COL5A1: variants seen among roughly 807,000 people sequenced by gnomAD.
COL5A1 encodes the protein collagen type V alpha 1 chain.
COL5A1 carries 16 observed loss-of-function variants against 263.7 expected under a neutral mutation model. The ratio of observed to expected loss-of-function variants is 0.06; its 90% confidence interval spans 0.04 to 0.09. The LOEUF is 0.09. Among genes scored for constraint, COL5A1 ranks in the 10% least tolerant of loss-of-function variants. The pLI is 1.00. For missense variants in COL5A1, 2,036 were observed against 2,540.5 expected, an observed-to-expected ratio of 0.80 and a Z score of 4.27; for synonymous variants, 1,012 against 1,004.5, an observed-to-expected ratio of 1.01 and a Z score of -0.14.
intron 25 of COL5A1, 141 bp from the exon 26 acceptor site, chr9:134,772,649 T>A (rs1836901837): frequency 2.0e-6 from 2 of 976,066 alleles, no homozygotes. Flanking sequence ...GCCAGCTGCC[T>A]TCGACTTCTG....
chr9:134,694,304 G>T (rs1054017352), intron 2 of COL5A1, among the ~76,000 whole-genome samples: 4 of 152,232 alleles, frequency 2.6e-5, no homozygotes, highest in African/African-American at 4.8e-5. Flanking sequence ...GCCCGTCCCC[G>T]CCCAGGCCGC....
chr9:134,650,293 G>A (rs959193728), intron 1 of COL5A1, among the ~76,000 whole-genome samples: 4 of 152,336 alleles, frequency 2.6e-5, no homozygotes, highest in African/African-American at 4.8e-5. Flanking sequence ...CATGAGCATC[G>A]TAACCGTCTT....
chr9:134,734,777 T>C (rs1835038243), intron 9 of COL5A1, among the ~76,000 whole-genome samples: 1 of 152,194 alleles, frequency 6.6e-6, no homozygotes, highest in Non-Finnish European at 1.5e-5. Flanking sequence ...CCACATCCAT[T>C]AGGGGCATCC....
intron 64 of COL5A1, among the ~76,000 whole-genome samples, chr9:134,833,668 C>G (rs1839736635): frequency 6.6e-6 from 1 of 152,204 alleles, no homozygotes; most frequent in Admixed American, 6.5e-5. Context: ...AGCCCTGACC[C>G]TCCCTCAGGC....
rs193251116 is a variant in COL5A1 at position 134,697,842 on chromosome 9, G to T, written c.278-2067G>T. Among the ~76,000 whole-genome samples, 1,015 of 152,300 alleles carry T rather than the reference G, an allele frequency of 6.7e-3. 12 individuals carry two copies. The highest frequency in any genetic ancestry group is 0.023 in the African/African-American group (942 of 41,558). On this transcript the variant is annotated intron_variant, in intron 2 of 65. Transcript: ENST00000371817. ...TGCAAAGCCATAATCGCAGCAGTTT[G>T]GGAGGCCAAGGCGGGTGGATCACCT...
At chr9:134,660,541 A>C (rs1478617194) in intron 1 of COL5A1, among the ~76,000 whole-genome samples, 2 of 152,228 alleles carry the variant, frequency 1.3e-5, no homozygotes, top group Non-Finnish European at 2.9e-5. Context: ...TGCTCATGAC[A>C]TCAAAGCCTC....
intron 1 of COL5A1, among the ~76,000 whole-genome samples, chr9:134,688,445 C>G (rs1204585980): frequency 6.6e-6 from 1 of 152,210 alleles, no homozygotes; most frequent in Non-Finnish European, 1.5e-5. Flanking sequence ...CGGGCTGCAT[C>G]CAGGCCCAGG....
Position 134,842,340 on chromosome 9 carries a change from G to A in COL5A1, c.*37G>A. ...CCCGGGCTCCCGAGAGCAACCTCGT[G>A]ACCTCAGCATGCCATTCGTTCGTGA... On this transcript the variant is annotated 3_prime_UTR_variant, in exon 66 of 66. Coordinates refer to ENST00000371817, the MANE Select transcript of COL5A1 (RefSeq NM_000093.5). The surrounding 1 kb of genome is among the most constrained non-coding windows in gnomAD (Gnocchi z 5.8). 6.2e-7 allele frequency: 1 copy of A among 1,612,674 alleles called. No individual in the cohort carries two copies. Among genetic ancestry groups the A allele is most frequent in the Non-Finnish European group, 8.5e-7 (1 of 1,179,558 alleles).
intron 1 of COL5A1, among the ~76,000 whole-genome samples, chr9:134,651,897 A>G (rs1831700833): frequency 6.6e-6 from 1 of 152,152 alleles, no homozygotes; most frequent in African/African-American, 2.4e-5. Context: ...ATGATCTGAA[A>G]TCCTCTTCCT....
chr9:134,738,824 T>A lies in COL5A1; in HGVS notation c.1494+16T>A. 1 of 1,610,166 alleles carries A rather than the reference T, an allele frequency of 6.2e-7. No individual in the cohort carries two copies. The highest frequency in any genetic ancestry group is 2.2e-5 in the East Asian group (1 of 44,856). ...TGGAGAAAGGGTAAGAGGTTGACTG[T>A]GTTTCCTGAGATCACACAAGGTGTG... On this transcript the variant is annotated intron_variant, in intron 11 of 65. Transcript: ENST00000371817.
In COL5A1 at chr9:134,809,244, C is replaced by A. The variant is rs540131206; in HGVS notation, c.3428C>A (p.Pro1143Gln). 1.2e-6 allele frequency: 2 copies of A among 1,608,280 alleles called. No homozygotes were observed. The highest frequency in any genetic ancestry group is 2.2e-5 in the East Asian group (1 of 44,690). The change falls in exon 43 of 66, where the codon CCG becomes CAG. Residue 1143 changes from proline (P) to glutamine (Q), a missense_variant. Around this residue, in one of 3 missense-constraint regions of COL5A1, gnomAD observed 1,078 missense variants for 1,521.4 expected, o/e 0.71. Transcript: ENST00000371817. ...RDGLQGPVGL[P>Q]GPAGPVGPPG... is the part of the protein sequence containing the mutation. ...GGTCTCCAGGGGCCTGTGGGGCTCCCGGGTCCAGCTGGCCCTGTGGGTCCC... is the reference window on the plus strand; with the variant it reads ...GGTCTCCAGGGGCCTGTGGGGCTCCAGGGTCCAGCTGGCCCTGTGGGTCCC...
chr9:134,747,952 CAG>C lies in COL5A1; in HGVS notation c.1495-2588_1495-2587del, dbSNP rs1564428863. On this transcript the variant is annotated intron_variant, in intron 11 of 65. Transcript: ENST00000371817. ...ATACACACATGCATTCATACACATG[CAG>C]ACACATGCACACATGCATTCACACA... Among the ~76,000 whole-genome samples, 677 of 118,866 alleles carry C rather than the reference CAG, an allele frequency of 5.7e-3. 22 individuals carry two copies. Among genetic ancestry groups the C allele is most frequent in the African/African-American group, 0.011 (378 of 34,018 alleles). The allele number at this position is 118,866 out of a possible 152,430, so 78.0% of individuals were successfully genotyped here.
chr9:134,717,263 G>A (rs745343439), intron 4 of COL5A1, among the ~76,000 whole-genome samples: 37 of 152,268 alleles, frequency 2.4e-4, no homozygotes, highest in Non-Finnish European at 4.1e-4. Flanking sequence ...CGGGCCCAGC[G>A]GGAGGGAAGC....
intron 64 of COL5A1, among the ~76,000 whole-genome samples, chr9:134,831,853 G>A (rs909187429): frequency 2.0e-5 from 3 of 152,310 alleles, no homozygotes; most frequent in African/African-American, 7.2e-5. Context: ...ATGAAGGTTG[G>A]GGTGAAGGGA....
chr9:134,712,165 A>AGC, intron 4 of COL5A1, among the ~76,000 whole-genome samples: 1 of 6,812 alleles, frequency 1.5e-4, no homozygotes, highest in Non-Finnish European at 2.4e-4. Flanking sequence ...CTTCCTGCCC[A>AGC]TCTTCTTCCT....
chr9:134,647,233 T>A lies in COL5A1; in HGVS notation c.109+4937T>A, dbSNP rs181483926. 6.6e-5 allele frequency among the ~76,000 whole-genome samples: 10 copies of A among 152,274 alleles called. No homozygotes were observed. The East Asian group carries it at 1.7e-3, about 26-fold the overall frequency. ...GCCGGTCTCTGCTGCCCCTTTGCCTTCCTTGGCCTCGGTTCTTTGCTTTCC... is the reference window on the plus strand; with the variant it reads ...GCCGGTCTCTGCTGCCCCTTTGCCTACCTTGGCCTCGGTTCTTTGCTTTCC... On this transcript the variant is annotated intron_variant, in intron 1 of 65. Transcript: ENST00000371817. The surrounding 1 kb of genome is among the most constrained non-coding windows in gnomAD (Gnocchi z 5.0).
chr9:134,728,794 C>A lies in COL5A1; in HGVS notation c.911C>A (p.Thr304Lys), dbSNP rs777146491. The A allele has an allele frequency of 6.2e-7, 1 of 1,614,176 alleles. No individual in the cohort carries two copies. The highest frequency in any genetic ancestry group is 2.2e-5 in the East Asian group (1 of 44,878). ...KKPVEAAKET[T>K]EVPEELTPTP... is the part of the protein sequence containing the mutation. ...CCCGTGGAAGCTGCCAAAGAAACCA[C>A]AGAGGTCCCCGAGGTCTGGGCTGAG... is the stretch of plus-strand genomic sequence containing the variant. The change falls in exon 6 of 66, where the codon ACA becomes AAA. Residue 304 changes from threonine (T) to lysine (K), a missense_variant. Coordinates refer to ENST00000371817, the MANE Select transcript of COL5A1 (RefSeq NM_000093.5).
intron 1 of COL5A1, among the ~76,000 whole-genome samples, chr9:134,644,687 T>G (rs1831419909): frequency 6.6e-6 from 1 of 152,200 alleles, no homozygotes; most frequent in South Asian, 2.1e-4. Context: ...TTGCCTGCTT[T>G]CTTTTGGCCA....
chr9:134,674,889 G>GA (rs1282490723), intron 1 of COL5A1, among the ~76,000 whole-genome samples: 2 of 151,386 alleles, frequency 1.3e-5, no homozygotes, highest in Non-Finnish European at 3.0e-5. Context: ...TCAAAAAAAA[G>GA]AAAAAGAATG....
Sources: allele counts gnomAD v4.1 joint callset (sites outside exome capture counted in the v4.1 genomes callset), GRCh38; gene constraint gnomAD v4.1.1; regional missense constraint gnomAD v4.1.1; non-coding constraint Gnocchi (gnomAD v3.1); transcripts MANE v1.5; gene names NCBI Gene and HGNC (gene_info 2026-07-23, HGNC 2026-07-21).